Variants in ADGRG1 observed in about 807,000 individuals in gnomAD.
ADGRG1 encodes adhesion G protein-coupled receptor G1, also known as 7-transmembrane protein with no EGF-like N-terminal domains-1.
Under a neutral mutation model 73.5 loss-of-function variants are expected in ADGRG1, and 53 were observed. The ratio of observed to expected loss-of-function variants is 0.72; its 90% CI spans 0.58 to 0.91. The LOEUF (loss-of-function observed/expected upper bound fraction) is 0.91. Ranked by LOEUF, ADGRG1 falls within the 40% of genes least tolerant of loss-of-function variation. The probability of loss-of-function intolerance (pLI) is 0.00; values close to 1 mark genes in which losing one functional copy is unlikely to be tolerated. For missense variants in ADGRG1, 795 were observed against 871.8 expected (o/e 0.91, Z 1.11); for synonymous variants, 394 against 374.4 (o/e 1.05, Z -0.60).
intron 1 of ADGRG1, among the ~76,000 whole-genome samples, chr16:57,632,493 C>CT (rs370724263): frequency 1.4e-4 from 22 of 152,270 alleles, no homozygotes; most frequent in African/African-American, 5.1e-4. Context: ...AATGTTAAGC[C>CT]TTTTTTTAAT....
chr16:57,645,045 A>G (rs183234018), intron 1 of ADGRG1: 23 of 980,874 alleles, frequency 2.3e-5, no homozygotes, highest in Admixed American at 1.2e-4. Context: ...TCATGCACAT[A>G]CACACACTCA....
intron 11 of ADGRG1, chr16:57,660,254 C>T (rs1223747576): frequency 1.2e-5 from 12 of 985,236 alleles, no homozygotes; most frequent in Non-Finnish European, 1.2e-5. Flanking sequence ...TGCTGCTCTT[C>T]GCGGGTTTGT....
chr16:57,654,138 G>C lies in ADGRG1; in HGVS notation c.768+5G>C. The C allele has an allele frequency of 6.2e-7, 1 of 1,610,964 alleles. No homozygotes were observed. The highest frequency in any genetic ancestry group is 8.5e-7 in the Non-Finnish European group (1 of 1,179,746). ...CACATCCACTCCCGGCAGGAGGTCAGGGGCAGGCCTGGGCAGGAAGCAGAT... is the reference window on the plus strand; with the variant it reads ...CACATCCACTCCCGGCAGGAGGTCACGGGCAGGCCTGGGCAGGAAGCAGAT... On this transcript the variant is annotated splice_donor_5th_base_variant and intron_variant, in intron 5 of 13. Transcript: ENST00000562631.
chr16:57,660,550 A>G, intron 11 of ADGRG1: 1 of 743,004 alleles, frequency 1.3e-6, no homozygotes, highest in Non-Finnish European at 1.6e-6. Flanking sequence ...GGGCAGGGCT[A>G]AGGTTGGAGG....
At position 57,664,901 on chromosome 16, in the gene ADGRG1, T is replaced by G. The variant is rs2047977369; in HGVS notation, c.*1319T>G. The G allele has an allele frequency of 6.5e-6, 1 of 153,784 alleles. No individual in the cohort carries two copies. The highest frequency in any genetic ancestry group is 1.5e-5 in the Non-Finnish European group (1 of 68,054). The allele number at this position is 153,784 out of a possible 1,614,324, so 9.5% of individuals were successfully genotyped here. A position where few individuals can be genotyped will look rare whatever the true frequency, so the allele number is the denominator to read the frequency against. ...GACCTTGAAGATGGGAAGGATGTTCTTTTTACGTACCAATTCTTTTGTCTT... is the reference window on the plus strand; with the variant it reads ...GACCTTGAAGATGGGAAGGATGTTCGTTTTACGTACCAATTCTTTTGTCTT... On this transcript the variant is annotated 3_prime_UTR_variant, in exon 14 of 14. Transcript: ENST00000562631.
chr16:57,631,845 G>GC (rs1288808058), intron 1 of ADGRG1: 2 of 982,880 alleles, frequency 2.0e-6, no homozygotes, highest in African/African-American at 3.5e-5. Context: ...GCTCCTTGAG[G>GC]CCCCCAGGGG....
intron 1 of ADGRG1, chr16:57,646,268 G>A: frequency 5.6e-6 from 3 of 533,382 alleles, no homozygotes; most frequent in South Asian, 1.6e-4. Flanking sequence ...CCGGGAGAAA[G>A]CGAGCCGTGG....
rs2047971638 is a variant in ADGRG1, at chr16:57,664,833, G to A, written c.*1251G>A. The A allele has an allele frequency of 6.5e-6, 1 of 153,946 alleles. No individual in the cohort carries two copies. The highest frequency in any genetic ancestry group is 2.4e-5 in the African/African-American group (1 of 41,450). The allele number at this position is 153,946 out of a possible 1,614,324, so 9.5% of individuals were successfully genotyped here. A position where few individuals can be genotyped will look rare whatever the true frequency, so the allele number is the denominator to read the frequency against. ...GGACAGGGAGCCATCATTCCTGCCT[G>A]GGAATCCTGGAAGACTTCCTGCAGG... On this transcript the variant is annotated 3_prime_UTR_variant, in exon 14 of 14. Coordinates refer to ENST00000562631, the MANE Select transcript of ADGRG1 (RefSeq NM_201525.4).
At chr16:57,661,354 T>A (rs1260706198) in intron 12 of ADGRG1, 6 of 985,170 alleles carry the variant, frequency 6.1e-6, no homozygotes, top group Middle Eastern at 5.2e-4. Context: ...TGCCTGTGGA[T>A]CCCCTGAACC....
chr16:57,628,520 C>T, upstream of ADGRG1: 1 of 985,574 alleles, frequency 1.0e-6, no homozygotes, highest in South Asian at 4.7e-5. Flanking sequence ...AAATCCATGA[C>T]TCACATATAT....
At chr16:57,662,062 T>A in intron 13 of ADGRG1, 97 bp downstream of exon 13, 1 of 981,394 alleles carries the variant, frequency 1.0e-6, no homozygotes, top group Non-Finnish European at 1.6e-6. Flanking sequence ...ACTTCCCTTC[T>A]CTGGGCCTCA....
intron 1 of ADGRG1, chr16:57,630,185 C>T (rs59898999): frequency 2.5e-6 from 1 of 393,012 alleles, no homozygotes; most frequent in African/African-American, 2.2e-5. Flanking sequence ...CTGCCCCTCC[C>T]AGAGGATAGC....
intron 1 of ADGRG1, chr16:57,631,317 TC>T (rs2037840017): frequency 1.0e-6 from 1 of 985,570 alleles, no homozygotes; most frequent in Non-Finnish European, 1.2e-6. Flanking sequence ...CGGACCGTCC[TC>T]CAGCCGGACT....
chr16:57,658,920 C>T, intron 10 of ADGRG1: 1 of 983,270 alleles, frequency 1.0e-6, no homozygotes, highest in Non-Finnish European at 1.2e-6. Context: ...TCTGCTGCAC[C>T]CTCTAGGGCC....
intron 11 of ADGRG1, 175 bp from the exon 12 acceptor site, chr16:57,660,593 G>A (rs1344449012): frequency 1.7e-5 from 16 of 914,596 alleles, no homozygotes; most frequent in Non-Finnish European, 2.1e-5. Flanking sequence ...ACCCATACTG[G>A]AATGGGGAGG....
intron 1 of ADGRG1, chr16:57,647,588 T>A (rs1190287050): frequency 2.3e-5 from 9 of 397,288 alleles, no homozygotes; most frequent in Middle Eastern, 2.4e-3. Flanking sequence ...CCAGAGAAGG[T>A]GAGTAACTAG....
chr16:57,623,984 CT>C (rs1369300683), upstream of ADGRG1: 1 of 303,322 alleles, frequency 3.3e-6, no homozygotes, highest in African/African-American at 2.3e-5. Context: ...ACAATCATCA[CT>C]GTTTTGTAGA....
chr16:57,627,191 G>A, upstream of ADGRG1: 10 of 595,286 alleles, frequency 1.7e-5, no homozygotes, highest in Non-Finnish European at 2.1e-5. Context: ...TTCACCTGCA[G>A]CAGCCCTGGC....
Position 57,659,589 on chromosome 16 carries a change from G to A in ADGRG1, c.1463G>A (p.Gly488Asp). Residue 488 changes from glycine to aspartate, a missense_variant, in exon 11 of 14, where the codon GGC becomes GAC. Gly to Asp is a moderately conservative substitution (Grantham distance 94, BLOSUM62 -1). Transcript: ENST00000562631. ...CTGCTCACCTGCCTTTCCTGGATGG[G>A]CCTCGAGGGGTACAACCTCTACCGA... ...FSLLTCLSWM[G>D]LEGYNLYRLV... 6.2e-7 allele frequency: 1 copy of A among 1,614,026 alleles called. No homozygotes were observed. Among genetic ancestry groups the A allele is most frequent in the Non-Finnish European group, 8.5e-7 (1 of 1,179,918 alleles).
Sources: gnomAD v4.1 joint callset for allele counts (sites outside exome capture counted in the v4.1 genomes callset) on GRCh38, gnomAD v4.1.1 for gene constraint, MANE v1.5 for transcripts, NCBI Gene and HGNC (gene_info 2026-07-23, HGNC 2026-07-21) for gene names.